RFTN1: variants seen among roughly 807,000 people sequenced by gnomAD.
The protein encoded by RFTN1 is raftlin.
RFTN1 carries 26 observed loss-of-function variants against 46.5 expected under a neutral mutation model. That is an observed-to-expected ratio of 0.56 (90% CI 0.41 to 0.78). RFTN1 has a LOEUF of 0.78. Among genes scored for constraint, RFTN1 ranks in the 30% least tolerant of loss-of-function variants. The pLI is 0.00. For missense variants in RFTN1, 693 were observed against 718.7 expected (o/e 0.96, Z 0.41); for synonymous variants, 261 against 284.2 (o/e 0.92, Z 0.82).
At position 16,384,373 on chromosome 3, in the gene RFTN1, G is replaced by T. The variant is rs2074094758; in HGVS notation, c.442-6271C>A. Among the ~76,000 whole-genome samples the T allele has an allele frequency of 6.6e-6, 1 of 152,178 alleles. No homozygotes were observed. Among genetic ancestry groups the T allele is most frequent in the African/African-American group, 2.4e-5 (1 of 41,444 alleles). On this transcript the variant is annotated intron_variant, in intron 4 of 9. Transcript: ENST00000334133. This position sits in a 1 kb window ranked among gnomAD's most constrained non-coding sequence, Gnocchi z 4.7. The stretch of plus-strand genomic sequence containing the variant: ...GGTCTCTAAATCTAAACCTGACTAG[G>T]CATGAAATAAAAGTTCGGTACAGGC...
rs138211769 is a variant in RFTN1, at chr3:16,501,908, A to G, written c.-8-8031T>C. 6.3e-3 allele frequency among the ~76,000 whole-genome samples: 956 copies of G among 152,360 alleles called. 47 individuals are homozygous for G. Among genetic ancestry groups the G allele is most frequent in the Admixed American group, 0.055 (843 of 15,298 alleles). ...CCTGATCCAATGCCAGATGTAAAGA[A>G]CAATCTATATCAAACTGTATTAACG... On this transcript the variant is annotated intron_variant, in intron 1 of 9. Coordinates refer to ENST00000334133, the MANE Select transcript of RFTN1 (RefSeq NM_015150.2).
At position 16,376,697 on chromosome 3, in the gene RFTN1, A is replaced by G. The variant is rs1290201406; in HGVS notation, c.826+1021T>C. Reference sequence around the variant, plus strand: ...GCCTTGATTAAACAATAGTCTTACTACATCACAAAACTGACGCAGCTCCAA... The same window carrying G: ...GCCTTGATTAAACAATAGTCTTACTGCATCACAAAACTGACGCAGCTCCAA... On this transcript the variant is annotated intron_variant, in intron 5 of 9. Coordinates refer to ENST00000334133, the MANE Select transcript of RFTN1 (RefSeq NM_015150.2). This position sits in a 1 kb window ranked among gnomAD's most constrained non-coding sequence, Gnocchi z 4.7. 6.6e-6 allele frequency among the ~76,000 whole-genome samples: 1 copy of G among 152,224 alleles called. No individual in the cohort carries two copies. The highest frequency in any genetic ancestry group is 2.4e-5 in the African/African-American group (1 of 41,452).
At position 16,413,092 on chromosome 3, in the gene RFTN1, A is replaced by G. The variant is rs984664077; in HGVS notation, c.333-3609T>C. Among the ~76,000 whole-genome samples the G allele has an allele frequency of 2.0e-5, 3 of 152,270 alleles. No homozygotes were observed. Among genetic ancestry groups the G allele is most frequent in the Admixed American group, 2.0e-4 (3 of 15,290 alleles). ...AATGTGTTATCATTTATTACAGAGCATAGAAAACTAATACCAAAAAAAGAA... is the reference window on the plus strand; with the variant it reads ...AATGTGTTATCATTTATTACAGAGCGTAGAAAACTAATACCAAAAAAAGAA... On this transcript the variant is annotated intron_variant, in intron 3 of 9. Transcript: ENST00000334133. The surrounding 1 kb of genome is among the most constrained non-coding windows in gnomAD (Gnocchi z 4.7).
At chr3:16,389,509 G>C (rs2074297546) in intron 4 of RFTN1, among the ~76,000 whole-genome samples, 1 of 152,076 alleles carries the variant, frequency 6.6e-6, no homozygotes, top group Non-Finnish European at 1.5e-5. Context: ...GGGGAGGGAA[G>C]GAACAGCTTT....
In RFTN1 at chr3:16,458,462, C is replaced by T. The variant is rs1003252864; in HGVS notation, c.146-24425G>A. On this transcript the variant is annotated intron_variant, in intron 2 of 9. Coordinates refer to ENST00000334133, the MANE Select transcript of RFTN1 (RefSeq NM_015150.2). This position sits in a 1 kb window ranked among gnomAD's most constrained non-coding sequence, Gnocchi z 5.1. ...TTCCCTCCTCATGATGTGAATTTTT[C>T]CTTTCACTTGTCATTAATTCTGTTC... 2.2e-4 allele frequency among the ~76,000 whole-genome samples: 33 copies of T among 152,202 alleles called. No homozygotes were observed. Among genetic ancestry groups the T allele is most frequent in the African/African-American group, 8.0e-4 (33 of 41,456 alleles).
intron 9 of RFTN1, among the ~76,000 whole-genome samples, chr3:16,318,730 C>CGAAA (rs1275638507): frequency 6.6e-6 from 1 of 152,206 alleles, no homozygotes; most frequent in African/African-American, 2.4e-5. Flanking sequence ...CTGGTCCTTT[C>CGAAA]CCACCCTGTA....
Position 16,475,135 on chromosome 3 carries a change from A to T in RFTN1, c.145+18590T>A, listed in dbSNP as rs568615750. On this transcript the variant is annotated intron_variant, in intron 2 of 9. Coordinates refer to ENST00000334133, the MANE Select transcript of RFTN1 (RefSeq NM_015150.2). The surrounding 1 kb of genome is among the most constrained non-coding windows in gnomAD (Gnocchi z 4.2). Reference sequence around the variant, plus strand: ...CTTGCTTCCTCTCTCACCATGTGACACACCAGCTCCCCTTCCACTTGCACA... The same window carrying T: ...CTTGCTTCCTCTCTCACCATGTGACTCACCAGCTCCCCTTCCACTTGCACA... Among the ~76,000 whole-genome samples, 2 of 152,302 alleles carry T rather than the reference A, an allele frequency of 1.3e-5. No homozygotes were observed. Among genetic ancestry groups the T allele is most frequent in the Admixed American group, 6.5e-5 (1 of 15,300 alleles).
At chr3:16,430,808 T>C (rs1234667075) in intron 3 of RFTN1, among the ~76,000 whole-genome samples, 1 of 152,222 alleles carries the variant, frequency 6.6e-6, no homozygotes, top group African/African-American at 2.4e-5. Context: ...CCAAGGAGAC[T>C]GCCAACTTCC....
rs1161386619 is a variant in RFTN1, at chr3:16,479,133, G to C, written c.145+14592C>G. 1.3e-5 allele frequency among the ~76,000 whole-genome samples: 2 copies of C among 152,126 alleles called. No individual in the cohort carries two copies. The highest frequency in any genetic ancestry group is 1.3e-4 in the Admixed American group (2 of 15,276). On this transcript the variant is annotated intron_variant, in intron 2 of 9. Transcript: ENST00000334133. The surrounding 1 kb of genome is among the most constrained non-coding windows in gnomAD (Gnocchi z 5.1). Reference sequence around the variant, plus strand: ...AGTTGCTTTTTCATTAGGTAACTTGGCTCCCAAACCCAAGCACTGTATAGT... The same window carrying C: ...AGTTGCTTTTTCATTAGGTAACTTGCCTCCCAAACCCAAGCACTGTATAGT...
intron 2 of RFTN1, 66 bp downstream of exon 2, chr3:16,493,659 C>A: frequency 1.5e-6 from 2 of 1,356,962 alleles, no homozygotes; most frequent in Non-Finnish European, 2.0e-6. Context: ...AACTGCACCC[C>A]CATCCCCTGC....
chr3:16,372,124 C>T (rs2073536589), intron 5 of RFTN1, among the ~76,000 whole-genome samples: 1 of 152,106 alleles, frequency 6.6e-6, no homozygotes, highest in Non-Finnish European at 1.5e-5. Context: ...TGCAAGCTTT[C>T]CTGTGCAAGT....
Position 16,370,366 on chromosome 3 carries a change from G to C in RFTN1, c.827-87C>G. 1 of 1,220,352 alleles carries C rather than the reference G, an allele frequency of 8.2e-7. No homozygotes were observed. Among genetic ancestry groups the C allele is most frequent in the Non-Finnish European group, 1.2e-6 (1 of 827,868 alleles). 75.6% of individuals were successfully genotyped at this position (1,220,352 alleles called of 1,614,324 possible). On this transcript the variant is annotated intron_variant, in intron 5 of 9. Coordinates refer to ENST00000334133, the MANE Select transcript of RFTN1 (RefSeq NM_015150.2). The surrounding 1 kb of genome is among the most constrained non-coding windows in gnomAD (Gnocchi z 5.5). ...CATCGGCTTAAGTGGAATCTCTCAG[G>C]AGCCTGAATAAATGATATGATGAAT...
rs1287866792 is a variant in RFTN1 at position 16,384,206 on chromosome 3, T to A, written c.442-6104A>T. Among the ~76,000 whole-genome samples the A allele has an allele frequency of 6.6e-6, 1 of 152,230 alleles. No homozygotes were observed. Among genetic ancestry groups the A allele is most frequent in the Non-Finnish European group, 1.5e-5 (1 of 68,030 alleles). ...ACTGCAACACCAGTCCTTACCTGAA[T>A]GTCCAGTCTGCTGGACTGCCCTGCA... On this transcript the variant is annotated intron_variant, in intron 4 of 9. Coordinates refer to ENST00000334133, the MANE Select transcript of RFTN1 (RefSeq NM_015150.2). The surrounding 1 kb of genome is among the most constrained non-coding windows in gnomAD (Gnocchi z 4.7).
rs751657303 is a variant in RFTN1 at position 16,424,095 on chromosome 3, T to C, written c.332+9756A>G. ...GCTGGGGAATTAGCAAAGCTTCTGG[T>C]CCCACAGTGTAGCCATGGGGACTGG... On this transcript the variant is annotated intron_variant, in intron 3 of 9. Coordinates refer to ENST00000334133, the MANE Select transcript of RFTN1 (RefSeq NM_015150.2). This position sits in a 1 kb window ranked among gnomAD's most constrained non-coding sequence, Gnocchi z 4.7. 6.6e-6 allele frequency among the ~76,000 whole-genome samples: 1 copy of C among 152,064 alleles called. No individual in the cohort carries two copies. The highest frequency in any genetic ancestry group is 2.4e-5 in the African/African-American group (1 of 41,406).
In RFTN1 at chr3:16,433,002, G is replaced by A. The variant is rs983844634; in HGVS notation, c.332+849C>T. On this transcript the variant is annotated intron_variant, in intron 3 of 9. Coordinates refer to ENST00000334133, the MANE Select transcript of RFTN1 (RefSeq NM_015150.2). The surrounding 1 kb of genome is among the most constrained non-coding windows in gnomAD (Gnocchi z 4.4). Reference sequence around the variant, plus strand: ...CCTGCAAAGTGACTTTAAAAGGAGAGAACAAGGAGGAGCTGCTCTGTACTC... The same window carrying A: ...CCTGCAAAGTGACTTTAAAAGGAGAAAACAAGGAGGAGCTGCTCTGTACTC... 6.6e-6 allele frequency among the ~76,000 whole-genome samples: 1 copy of A among 152,200 alleles called. No homozygotes were observed. The highest frequency in any genetic ancestry group is 1.5e-5 in the Non-Finnish European group (1 of 68,042).
rs577299461 is a variant in RFTN1 at position 16,418,890 on chromosome 3, T to C, written c.333-9407A>G. 3.1e-4 allele frequency among the ~76,000 whole-genome samples: 47 copies of C among 152,272 alleles called. No individual in the cohort carries two copies. Among genetic ancestry groups the C allele is most frequent in the Non-Finnish European group, 5.6e-4 (38 of 68,028 alleles). On this transcript the variant is annotated intron_variant, in intron 3 of 9. Transcript: ENST00000334133. The surrounding 1 kb of genome is among the most constrained non-coding windows in gnomAD (Gnocchi z 5.0). ...TGAAGGCACTGCCCTCAAGTCTAGA[T>C]CCTGCCCTCAAGTCTAGATAGACTG...
chr3:16,434,092 C>A, intron 2 of RFTN1, 55 bp from the exon 3 acceptor site: 1 of 1,424,600 alleles, frequency 7.0e-7, no homozygotes, highest in Non-Finnish European at 9.3e-7. Flanking sequence ...CCCACTCAGC[C>A]CTGCCCAAAC....
chr3:16,505,014 G>T (rs953002975), intron 1 of RFTN1, among the ~76,000 whole-genome samples: 1 of 152,118 alleles, frequency 6.6e-6, no homozygotes, highest in Non-Finnish European at 1.5e-5. Flanking sequence ...ATCCAGAGCT[G>T]GTGGATGCTA....
At chr3:16,493,651 C>A in intron 2 of RFTN1, 74 bp downstream of exon 2, 2 of 1,268,292 alleles carry the variant, frequency 1.6e-6, no homozygotes, top group Non-Finnish European at 2.1e-6. Flanking sequence ...AGCTCTCCAA[C>A]TGCACCCCCA....
Sources: gnomAD v4.1 joint callset for allele counts (sites outside exome capture counted in the v4.1 genomes callset) on GRCh38, gnomAD v4.1.1 for gene constraint, Gnocchi (gnomAD v3.1) non-coding constraint, MANE v1.5 for transcripts, NCBI Gene and HGNC (gene_info 2026-07-23, HGNC 2026-07-21) for gene names.